Variants in COL6A5 observed in about 807,000 individuals in gnomAD.
The protein encoded by COL6A5 is collagen alpha-5(VI) chain.
Under a neutral mutation model 65.6 loss-of-function variants are expected in COL6A5, and 48 were observed. The ratio of observed to expected loss-of-function variants is 0.73; its 90% confidence interval spans 0.58 to 0.93. The LOEUF is 0.93. Among genes scored for constraint, COL6A5 ranks in the 40% least tolerant of loss-of-function variants. COL6A5 has a pLI of 0.00. For missense variants in COL6A5, 914 were observed against 928.3 expected, an observed-to-expected ratio of 0.98 and a Z score of 0.20; for synonymous variants, 291 against 322.8, an observed-to-expected ratio of 0.90 and a Z score of 1.05.
chr3:130,484,026 A>G lies in COL6A5; in HGVS notation c.2329-9A>G, dbSNP rs1432507439. ...CATTAAAAGCAGTGAATATTGTTATATTTTGCAGATGGTGAAGATACAAGG... is the reference window on the plus strand; with the variant it reads ...CATTAAAAGCAGTGAATATTGTTATGTTTTGCAGATGGTGAAGATACAAGG... On this transcript the variant is annotated splice_polypyrimidine_tract_variant and intron_variant, in intron 7 of 7. Coordinates refer to ENST00000512836, the Ensembl canonical transcript of COL6A5. The G allele has an allele frequency of 1.2e-6, 2 of 1,607,602 alleles. No individual in the cohort carries two copies. Among genetic ancestry groups the G allele is most frequent in the Non-Finnish European group, 8.5e-7 (1 of 1,176,842 alleles).
At chr3:130,449,781 G>A (rs1709390589) in intron 4 of COL6A5, among the ~76,000 whole-genome samples, 1 of 152,116 alleles carries the variant, frequency 6.6e-6, no homozygotes, top group Admixed American at 6.6e-5. Flanking sequence ...AAAAGCAATT[G>A]AGCAATTGAC....
intron 5 of COL6A5, among the ~76,000 whole-genome samples, chr3:130,459,669 C>G (rs1709660287): frequency 6.6e-6 from 1 of 151,950 alleles, no homozygotes; most frequent in African/African-American, 2.4e-5. Flanking sequence ...TAGACAGGCT[C>G]TCTACTTCTA....
chr3:130,429,489 A>G (rs924098345), upstream of COL6A5: 2 of 1,244,776 alleles, frequency 1.6e-6, no homozygotes, highest in Non-Finnish European at 2.2e-6. Context: ...TAACATTTTC[A>G]GCTTTGTTAA....
intron 25 of COL6A5, among the ~76,000 whole-genome samples, chr3:130,420,568 G>A (rs958489186): frequency 1.3e-5 from 2 of 152,044 alleles, no homozygotes; most frequent in Non-Finnish European, 2.9e-5. Flanking sequence ...TAGCTGGATC[G>A]AAGAATATGT....
intron 4 of COL6A5, among the ~76,000 whole-genome samples, chr3:130,445,735 A>G (rs1225307795): frequency 6.6e-6 from 1 of 152,098 alleles, no homozygotes; most frequent in African/African-American, 2.4e-5. Context: ...CTCCTATGCA[A>G]AGCAGAATGA....
intron 10 of COL6A5, among the ~76,000 whole-genome samples, chr3:130,398,911 A>G (rs1936711317): frequency 6.6e-6 from 1 of 152,190 alleles, no homozygotes; most frequent in Non-Finnish European, 1.5e-5. Flanking sequence ...ACATACATAC[A>G]AAATCCTCTT....
chr3:130,427,265 A>G (rs1453841125), upstream of COL6A5, among the ~76,000 whole-genome samples: 5 of 152,212 alleles, frequency 3.3e-5, no homozygotes, highest in African/African-American at 9.6e-5. Flanking sequence ...ACTGTGTTCA[A>G]GGAGGTGGAA....
chr3:130,367,859 A>G (rs550751498), intron 1 of COL6A5, among the ~76,000 whole-genome samples: 3 of 152,334 alleles, frequency 2.0e-5, no homozygotes, highest in African/African-American at 4.8e-5. Context: ...TATTTTAGGT[A>G]AGGACTAGGT....
chr3:130,481,659 C>T (rs1019487960), intron 7 of COL6A5, among the ~76,000 whole-genome samples: 2 of 152,184 alleles, frequency 1.3e-5, no homozygotes, highest in African/African-American at 4.8e-5. Context: ...TACACTCCCA[C>T]CAACAGTGTA....
chr3:130,417,881 G>A (rs1407530512), intron 24 of COL6A5, among the ~76,000 whole-genome samples: 7 of 152,020 alleles, frequency 4.6e-5, no homozygotes, highest in Non-Finnish European at 8.8e-5. Context: ...ATTGTATCAC[G>A]GGTCTTGGCT....
intron 6 of COL6A5, among the ~76,000 whole-genome samples, chr3:130,390,697 C>A (rs1395399493): frequency 6.6e-6 from 1 of 152,054 alleles, no homozygotes; most frequent in Non-Finnish European, 1.5e-5. Context: ...GTTTGCATAC[C>A]CGAGGGTCCA....
At position 130,410,907 on chromosome 3, in the gene COL6A5, C is replaced by T. The variant is rs372160333; in HGVS notation, c.4662+383C>T. Among the ~76,000 whole-genome samples the T allele has an allele frequency of 5.9e-5, 9 of 152,270 alleles. No homozygotes were observed. The East Asian group carries it at 1.2e-3, about 20-fold the overall frequency. On this transcript the variant is annotated intron_variant and NMD_transcript_variant, in intron 20 of 41. Transcript: ENST00000312481. ...ACATAGTTGGCCTTTCCCTTTCCAC[C>T]TTCCAGGTGTTTTGGGATGTCTTTG... is the stretch of plus-strand genomic sequence containing the variant.
chr3:130,461,181 G>A (rs1331988842), intron 5 of COL6A5, among the ~76,000 whole-genome samples: 1 of 152,054 alleles, frequency 6.6e-6, no homozygotes, highest in East Asian at 1.9e-4. Flanking sequence ...GAAGCTTTTC[G>A]TCTGTCAGGT....
chr3:130,405,493 G>A (rs1373998996), intron 13 of COL6A5, 95 bp from the exon 14 acceptor site: 15 of 749,548 alleles, frequency 2.0e-5, no homozygotes, highest in Non-Finnish European at 3.2e-5. Flanking sequence ...AGCTCATAGT[G>A]CCCATGTGCT....
chr3:130,435,299 A>G (rs993396436), intron 1 of COL6A5, among the ~76,000 whole-genome samples: 3 of 152,074 alleles, frequency 2.0e-5, no homozygotes, highest in Non-Finnish European at 1.5e-5. Context: ...ATTGAGCTAT[A>G]TGTCTGTTTT....
intron 5 of COL6A5, among the ~76,000 whole-genome samples, chr3:130,466,109 C>G (rs1244187818): frequency 1.3e-5 from 2 of 152,056 alleles, no homozygotes; most frequent in African/African-American, 4.8e-5. Context: ...TTGAGCAACA[C>G]TATCAACTAA....
In COL6A5 at chr3:130,391,159, C is replaced by G. The variant is rs1054996218; in HGVS notation, c.2417-20C>G. ...ATGCACTGCAGAAAGTTTGTGACTC[C>G]TGTTTTCATCTTCTTTCAGATTGTA... On this transcript the variant is annotated intron_variant and NMD_transcript_variant, in intron 6 of 41. Coordinates refer to the COL6A5 transcript ENST00000312481. 6.0e-5 allele frequency: 92 copies of G among 1,528,426 alleles called. No individual in the cohort carries two copies. The East Asian group carries it at 2.3e-3, about 37-fold the overall frequency. 94.7% of individuals were successfully genotyped at this position (1,528,426 alleles called of 1,614,324 possible). A position where few individuals can be genotyped will look rare whatever the true frequency, so the allele number is the denominator to read the frequency against.
Position 130,376,224 on chromosome 3 carries a change from T to C in COL6A5, c.68-13T>C. On this transcript the variant is annotated splice_polypyrimidine_tract_variant and intron_variant and NMD_transcript_variant, in intron 2 of 41. Coordinates refer to the COL6A5 transcript ENST00000312481. The stretch of plus-strand genomic sequence containing the variant: ...TGATAACTTTGTTTTTGCTTGTTAT[T>C]TTATTTTGATAGGGCCAGGCCCTGT... 1 of 1,545,412 alleles carries C rather than the reference T, an allele frequency of 6.5e-7. No individual in the cohort carries two copies. The highest frequency in any genetic ancestry group is 2.3e-5 in the East Asian group (1 of 44,386).
At chr3:130,406,809 C>T (rs1937009431) in intron 17 of COL6A5, among the ~76,000 whole-genome samples, 1 of 152,170 alleles carries the variant, frequency 6.6e-6, no homozygotes, top group South Asian at 2.1e-4. Context: ...AGCAGCTCTA[C>T]TTTTATGTTC....
Sources: allele counts gnomAD v4.1 joint callset (sites outside exome capture counted in the v4.1 genomes callset), GRCh38; gene constraint gnomAD v4.1.1; transcripts MANE v1.5; gene names NCBI Gene and HGNC (gene_info 2026-07-23, HGNC 2026-07-21).